Variants in AKAP6 observed in about 807,000 individuals in gnomAD.
The protein encoded by AKAP6 is A-kinase anchoring protein 6.
A neutral mutation model predicts 188.5 loss-of-function variants in AKAP6; 58 were observed. The ratio of observed to expected loss-of-function variants is 0.31; its 90% CI spans 0.25 to 0.38. The LOEUF (loss-of-function observed/expected upper bound fraction) is 0.38, where lower values mean the gene tolerates loss of function less well. AKAP6 is among the 10% of genes least tolerant of loss of function. AKAP6 has a pLI of 1.00. For synonymous variants in AKAP6, 989 were observed against 998.6 expected (o/e 0.99, Z 0.18); for missense variants, 2,710 against 2,740.0 (o/e 0.99, Z 0.24).
chr14:32,468,457 A>G (rs1251419809), intron 2 of AKAP6, among the ~76,000 whole-genome samples: 3 of 152,146 alleles, frequency 2.0e-5, no homozygotes, highest in Non-Finnish European at 4.4e-5. Context: ...TATAGCAGAG[A>G]AACACTAGAT....
chr14:32,736,369 C>T (rs143618706), intron 11 of AKAP6, among the ~76,000 whole-genome samples: 1 of 152,276 alleles, frequency 6.6e-6, no homozygotes, highest in East Asian at 1.9e-4. Flanking sequence ...AACAAGTTCA[C>T]ACATTACAGG....
At chr14:32,577,337 G>A (rs1437166310) in intron 5 of AKAP6, 95 bp downstream of exon 5, 6 of 1,523,420 alleles carry the variant, frequency 3.9e-6, no homozygotes, top group South Asian at 1.3e-5. Context: ...ATTTATCAAA[G>A]GTTACTATAT....
chr14:32,641,469 TAAAAAA>T (rs35618540), intron 7 of AKAP6, among the ~76,000 whole-genome samples: 1 of 119,874 alleles, frequency 8.3e-6, no homozygotes, highest in Non-Finnish European at 1.8e-5. Context: ...GAAACCCTGC[TAAAAAA>T]AAAAAAAAAA....
chr14:32,575,289 A>G (rs1218299657), intron 4 of AKAP6, among the ~76,000 whole-genome samples: 1 of 152,162 alleles, frequency 6.6e-6, no homozygotes, highest in Non-Finnish European at 1.5e-5. Flanking sequence ...TGGCATTTGG[A>G]AAGAGTTGCA....
intron 9 of AKAP6, among the ~76,000 whole-genome samples, chr14:32,723,978 G>T (rs147992405): frequency 3.0e-4 from 46 of 152,248 alleles, no homozygotes; most frequent in African/African-American, 1.1e-3. Flanking sequence ...TTTACCAGCA[G>T]CAACCACCAT....
Position 32,433,587 on chromosome 14 carries a change from C to A in AKAP6, c.94C>A (p.Pro32Thr). Residue 32 changes from proline to threonine, a missense_variant, in exon 2 of 14, where the codon CCC becomes ACC. Physicochemically the swap from Pro to Thr is conservative, Grantham distance 38 (BLOSUM62 -1). Around this residue, in one of 2 missense-constraint regions of AKAP6, gnomAD observed 237 missense variants for 313.9 expected, o/e 0.76. Coordinates refer to ENST00000280979, the MANE Select transcript of AKAP6 (RefSeq NM_004274.5). ...DASPMAINMT[P>T]TVEQGEGEEA... ...TTCACCCATGGCCATCAACATGACACCCACTGTGGAGCAGGGTGAGGGAGA... is the reference window on the plus strand; with the variant it reads ...TTCACCCATGGCCATCAACATGACAACCACTGTGGAGCAGGGTGAGGGAGA... 1.2e-6 allele frequency: 2 copies of A among 1,614,116 alleles called. No homozygotes were observed. The highest frequency in any genetic ancestry group is 1.1e-5 in the South Asian group (1 of 91,068).
intron 9 of AKAP6, among the ~76,000 whole-genome samples, chr14:32,701,061 T>G (rs1028920516): frequency 9.9e-5 from 15 of 152,208 alleles, no homozygotes; most frequent in African/African-American, 3.6e-4. Context: ...TTCATTCATA[T>G]AAGTCCAAAC....
At chr14:32,566,441 C>T (rs188247960) in intron 4 of AKAP6, among the ~76,000 whole-genome samples, 1 of 152,168 alleles carries the variant, frequency 6.6e-6, no homozygotes, top group East Asian at 1.9e-4. Flanking sequence ...GAATAGGAGA[C>T]TCAAGATTAA....
rs147604276 is a variant in AKAP6 at position 32,352,071 on chromosome 14, CTGTG to C, written c.-35+22691_-35+22694del. 4.0e-3 allele frequency among the ~76,000 whole-genome samples: 533 copies of C among 134,038 alleles called. 2 individuals carry two copies. The highest frequency in any genetic ancestry group is 0.013 in the African/African-American group (437 of 33,670). The allele number at this position is 134,038 out of a possible 152,430, so 87.9% of individuals were successfully genotyped here. A position where few individuals can be genotyped will look rare whatever the true frequency, so the allele number is the denominator to read the frequency against. On this transcript the variant is annotated intron_variant, in intron 1 of 13. Transcript: ENST00000280979. ...TGCTTTTGTGTAGTCTTGGGAGACC[CTGTG>C]TGTGTGTGTGTGTGTGTGTGTGTGT...
At chr14:32,490,511 G>A (rs376772285) in intron 2 of AKAP6, among the ~76,000 whole-genome samples, 10 of 152,074 alleles carry the variant, frequency 6.6e-5, no homozygotes, top group East Asian at 1.9e-4. Context: ...TTCATCTTAC[G>A]AGGACTGGTC....
At position 32,835,210 on chromosome 14, in the gene AKAP6, A is replaced by G. The variant is rs953078155; in HGVS notation, c.*5405A>G. ...ATTCTAAATTCCGACACATTTTCTT[A>G]GGATAGATTTCCATTTGCAAATTCA... is the stretch of plus-strand genomic sequence containing the variant. On this transcript the variant is annotated 3_prime_UTR_variant, in exon 14 of 14. Coordinates refer to ENST00000280979, the MANE Select transcript of AKAP6 (RefSeq NM_004274.5). 3.3e-5 allele frequency: 5 copies of G among 152,176 alleles called. No homozygotes were observed. The highest frequency in any genetic ancestry group is 1.5e-5 in the Non-Finnish European group (1 of 68,012). 9.4% of individuals were successfully genotyped at this position (152,176 alleles called of 1,614,324 possible). A position where few individuals can be genotyped will look rare whatever the true frequency, so the allele number is the denominator to read the frequency against.
chr14:32,784,278 A>G (rs58219052), intron 12 of AKAP6, among the ~76,000 whole-genome samples: 10,271 of 152,260 alleles, frequency 0.067, 736 homozygotes, highest in African/African-American at 0.18. Context: ...TTAAATTCAC[A>G]CATGCTTCAC....
intron 5 of AKAP6, among the ~76,000 whole-genome samples, chr14:32,597,250 C>T (rs1885742613): frequency 6.6e-6 from 1 of 152,120 alleles, no homozygotes; most frequent in South Asian, 2.1e-4. Context: ...ACATCATGCA[C>T]CTCTTTGGAA....
intron 10 of AKAP6, 134 bp downstream of exon 10, chr14:32,732,734 T>G: frequency 9.5e-7 from 1 of 1,057,146 alleles, no homozygotes; most frequent in Non-Finnish European, 1.4e-6. Context: ...AACAAGCTAT[T>G]CATGCTATTA....
intron 11 of AKAP6, among the ~76,000 whole-genome samples, chr14:32,746,906 T>C (rs183550221): frequency 6.6e-6 from 1 of 152,306 alleles, no homozygotes; most frequent in Admixed American, 6.5e-5. Flanking sequence ...ATTTTAAGTC[T>C]TGGAAATTAA....
At chr14:32,465,142 A>G (rs1287558346) in intron 2 of AKAP6, among the ~76,000 whole-genome samples, 3 of 152,228 alleles carry the variant, frequency 2.0e-5, no homozygotes, top group Admixed American at 1.3e-4. Context: ...AAGAATCAAT[A>G]TCATGAAAAT....
At chr14:32,651,520 G>A (rs187194756) in intron 7 of AKAP6, among the ~76,000 whole-genome samples, 93 of 152,276 alleles carry the variant, frequency 6.1e-4, no homozygotes, top group African/African-American at 2.0e-3. Flanking sequence ...TGAAGTCCAA[G>A]GTCAAGGCAC....
At chr14:32,664,014 A>C (rs780379522) in intron 7 of AKAP6, among the ~76,000 whole-genome samples, 3 of 152,110 alleles carry the variant, frequency 2.0e-5, no homozygotes, top group Non-Finnish European at 4.4e-5. Context: ...ACTCTAGCCC[A>C]AAAATAAAGA....
chr14:32,598,340 A>G (rs1274993118), intron 5 of AKAP6, among the ~76,000 whole-genome samples: 1 of 152,146 alleles, frequency 6.6e-6, no homozygotes, highest in Non-Finnish European at 1.5e-5. Context: ...GCTTGCTCCA[A>G]TTAGTCAAGA....
Sources: gnomAD v4.1 joint callset for allele counts (sites outside exome capture counted in the v4.1 genomes callset) on GRCh38, gnomAD v4.1.1 for gene constraint, gnomAD v4.1.1 regional missense constraint, MANE v1.5 for transcripts, NCBI Gene and HGNC (gene_info 2026-07-23, HGNC 2026-07-21) for gene names.